The following PGR variants were observed in gnomAD, a reference collection of about 807,000 sequenced individuals.
PGR encodes nuclear receptor subfamily 3 group C member 3.
A neutral mutation model predicts 76.1 loss-of-function variants in PGR; 25 were observed. That is an observed-to-expected ratio of 0.33 (90% CI 0.24 to 0.46). The LOEUF (loss-of-function observed/expected upper bound fraction) is 0.46. Among genes scored for constraint, PGR ranks in the 20% least tolerant of loss-of-function variants. The pLI, the probability that PGR is intolerant of heterozygous loss-of-function variation, is 1.00. For synonymous variants in PGR, 579 were observed against 535.0 expected, an observed-to-expected ratio of 1.08 and a Z score of -1.14; for missense variants, 1,172 against 1,225.3, an observed-to-expected ratio of 0.96 and a Z score of 0.65.
intron 2 of PGR, among the ~76,000 whole-genome samples, chr11:101,095,964 C>A (rs1315776319): frequency 6.6e-6 from 1 of 152,044 alleles, no homozygotes; most frequent in Non-Finnish European, 1.5e-5. Flanking sequence ...GTAATCCAGT[C>A]AACAACAGAT....
rs1591358563 is a variant in PGR, at chr11:101,030,634, T to G, written c.*8482A>C. On this transcript the variant is annotated 3_prime_UTR_variant, in exon 8 of 8. Coordinates refer to ENST00000325455, the MANE Select transcript of PGR (RefSeq NM_000926.4). ...GCTCTGAGGAGAATTGGAATTGTTA[T>G]AGCGGAAATGTTCAAAGAAAGTCAA... The G allele has an allele frequency of 4.6e-6, 1 of 215,630 alleles. No homozygotes were observed. The highest frequency in any genetic ancestry group is 9.3e-6 in the Non-Finnish European group (1 of 106,964). 13.4% of individuals were successfully genotyped at this position (215,630 alleles called of 1,614,324 possible). A position where few individuals can be genotyped will look rare whatever the true frequency, so the allele number is the denominator to read the frequency against.
intron 3 of PGR, among the ~76,000 whole-genome samples, chr11:101,066,168 G>A (rs1377651921): frequency 3.3e-5 from 5 of 152,008 alleles, no homozygotes; most frequent in African/African-American, 1.2e-4. Flanking sequence ...ATTCTCCCTT[G>A]AACCTTCTCC....
At chr11:101,110,532 G>A (rs548983194) in intron 2 of PGR, among the ~76,000 whole-genome samples, 1 of 152,180 alleles carries the variant, frequency 6.6e-6, no homozygotes, top group African/African-American at 2.4e-5. Context: ...TTGAACACAT[G>A]AGGGGTCTTG....
At chr11:101,076,046 T>C (rs906463634) in intron 3 of PGR, among the ~76,000 whole-genome samples, 2 of 152,128 alleles carry the variant, frequency 1.3e-5, no homozygotes, top group African/African-American at 4.8e-5. Context: ...CTATTCACAA[T>C]AGTAAAGATT....
chr11:101,129,056 C>T lies in PGR; in HGVS notation c.15G>A (p.Lys5=), dbSNP rs1198190095. MTEL[K]AKGPRAPHVA... is the part of the protein sequence containing the mutation. ...CGTGGGGAGCCCGGGGACCCTTTGCCTTCAGCTCAGTCATGACGACTGGAC... is the reference window on the plus strand; with the variant it reads ...CGTGGGGAGCCCGGGGACCCTTTGCTTTCAGCTCAGTCATGACGACTGGAC... Residue 5 remains lysine, a synonymous_variant, in exon 1 of 8, where the codon AAG becomes AAA. Coordinates refer to ENST00000325455, the MANE Select transcript of PGR (RefSeq NM_000926.4). 9 of 1,553,832 alleles carry T rather than the reference C, an allele frequency of 5.8e-6. No homozygotes were observed. The South Asian group carries it at 9.5e-5, about 16-fold the overall frequency.
At chr11:101,118,114 C>T (rs1416926673) in intron 2 of PGR, among the ~76,000 whole-genome samples, 1 of 152,206 alleles carries the variant, frequency 6.6e-6, no homozygotes, top group East Asian at 1.9e-4. Context: ...AAATCAAAGA[C>T]TGTATCTTTT....
At chr11:101,095,382 A>G (rs1383137740) in intron 2 of PGR, among the ~76,000 whole-genome samples, 1 of 152,196 alleles carries the variant, frequency 6.6e-6, no homozygotes, top group African/African-American at 2.4e-5. Flanking sequence ...CTTACTATCC[A>G]CAAATAAAAA....
At chr11:101,049,877 TAATGAATTAAG>T in intron 6 of PGR, 41 bp downstream of exon 6, 1 of 1,507,824 alleles carries the variant, frequency 6.6e-7, no homozygotes, top group Non-Finnish European at 9.2e-7. Context: ...GCAACTTTTC[TAATGAATTAAG>T]AAACTAGATA....
chr11:101,129,370 A>G lies in PGR; in HGVS notation c.-300T>C, dbSNP rs1375037444. 2.6e-6 allele frequency: 1 copy of G among 381,006 alleles called. No individual in the cohort carries two copies. Among genetic ancestry groups the G allele is most frequent in the Non-Finnish European group, 4.7e-6 (1 of 211,458 alleles). 23.6% of individuals were successfully genotyped at this position (381,006 alleles called of 1,614,324 possible). ...GGAGATCTCGTCTCCTAACTCGGGG[A>G]GTTCTCCAAGAGAGTTCTCCAACTT... On this transcript the variant is annotated 5_prime_UTR_variant, in exon 1 of 8. Transcript: ENST00000325455.
In PGR at chr11:101,127,701, G is replaced by A. The variant is rs1022050429; in HGVS notation, c.1370C>T (p.Thr457Ile). Reference protein sequence around the residue: ...SVSSASSSGSTLECILYKAEG... With the variant: ...SVSSASSSGSILECILYKAEG... ...CGCTTTGTACAGGATGCACTCCAGGGTCGACCCCGAGGAGGACGCAGACGA... is the reference window on the plus strand; with the variant it reads ...CGCTTTGTACAGGATGCACTCCAGGATCGACCCCGAGGAGGACGCAGACGA... Residue 457 changes from threonine (T) to isoleucine (I), a missense_variant, in exon 1 of 8, where the codon ACC becomes ATC. Physicochemically the swap from Thr to Ile is moderately conservative, Grantham distance 89. Around this residue, in one of 4 missense-constraint regions of PGR, gnomAD observed 893 missense variants for 785.9 expected, o/e 1.14. Coordinates refer to ENST00000325455, the MANE Select transcript of PGR (RefSeq NM_000926.4). The A allele has an allele frequency of 1.0e-5, 16 of 1,583,274 alleles. No individual in the cohort carries two copies. Among genetic ancestry groups the A allele is most frequent in the Non-Finnish European group, 1.3e-5 (15 of 1,173,768 alleles).
Position 101,128,566 on chromosome 11 carries a change from C to G in PGR, c.505G>C (p.Gly169Arg). The G allele has an allele frequency of 6.3e-7, 1 of 1,598,142 alleles. No individual in the cohort carries two copies. The highest frequency in any genetic ancestry group is 1.1e-5 in the South Asian group (1 of 89,416). Residue 169 changes from glycine (G) to arginine (R), a missense_variant, in exon 1 of 8, where the codon GGG becomes CGG. Transcript: ENST00000325455. Reference protein sequence around the residue: ...RVLSPLMSRSGCKVGDSSGTA... With the variant: ...RVLSPLMSRSRCKVGDSSGTA... ...CCGGAGCTGTCTCCAACCTTGCACC[C>G]GGACCGGCTCATGAGCGGGGACAAC... is the stretch of plus-strand genomic sequence containing the variant.
At chr11:101,058,702 T>A (rs527543325) in intron 4 of PGR, among the ~76,000 whole-genome samples, 1 of 152,348 alleles carries the variant, frequency 6.6e-6, no homozygotes, top group African/African-American at 2.4e-5. Flanking sequence ...AACGTATTGA[T>A]GTACAGGATG....
chr11:101,064,368 A>C (rs1475947408), intron 3 of PGR, among the ~76,000 whole-genome samples: 20 of 138,278 alleles, frequency 1.4e-4, no homozygotes, highest in East Asian at 8.9e-4. Context: ...AAAAAAAAAA[A>C]AAACAGCCCC....
chr11:101,029,667 TTA>T lies in PGR; in HGVS notation c.*9447_*9448del, dbSNP rs1354196492. On this transcript the variant is annotated 3_prime_UTR_variant, in exon 8 of 8. Coordinates refer to ENST00000325455, the MANE Select transcript of PGR (RefSeq NM_000926.4). ...TTATTATCACACAGAATAACAAGAA[TTA>T]GAGTTAAATTCACAATATTTTTAAA... 2.5e-5 allele frequency: 5 copies of T among 197,808 alleles called. No homozygotes were observed. The highest frequency in any genetic ancestry group is 1.2e-4 in the African/African-American group (5 of 43,386). 12.3% of individuals were successfully genotyped at this position (197,808 alleles called of 1,614,324 possible).
chr11:101,128,125 A>G lies in PGR; in HGVS notation c.946T>C (p.Leu316=), dbSNP rs1862943177. 6.9e-6 allele frequency: 11 copies of G among 1,598,294 alleles called. 1 individual carries two copies. The South Asian group carries it at 7.7e-5, about 11-fold the overall frequency. ...AGCAGCTGCCGAGTGCGGGCTGCCA[A>G]TAAGGCGTGATTGAGAGGCAGGATA... ...VPILPLNHAL[L]AARTRQLLED... is the part of the protein sequence containing the mutation. The change falls in exon 1 of 8, where the codon TTG becomes CTG. Residue 316 remains leucine (L), a synonymous_variant. Coordinates refer to ENST00000325455, the MANE Select transcript of PGR (RefSeq NM_000926.4).
chr11:101,099,687 T>C (rs1239204847), intron 2 of PGR, among the ~76,000 whole-genome samples: 2 of 152,212 alleles, frequency 1.3e-5, no homozygotes, highest in African/African-American at 2.4e-5. Context: ...GAGAGGTGTC[T>C]ACTGCATTAC....
intron 3 of PGR, chr11:101,063,138 A>C (rs1860577374): frequency 6.0e-6 from 1 of 165,386 alleles, no homozygotes; most frequent in South Asian, 1.6e-4. Flanking sequence ...ACAGCCTTCC[A>C]AAATCTAATG....
chr11:101,063,869 C>A (rs1860602620), intron 3 of PGR: 1 of 152,094 alleles, frequency 6.6e-6, no homozygotes, highest in Admixed American at 6.5e-5. Context: ...CATGTGTATT[C>A]CAGTTTTTCC....
intron 6 of PGR, among the ~76,000 whole-genome samples, chr11:101,046,537 C>T (rs1374359975): frequency 6.6e-6 from 1 of 151,716 alleles, no homozygotes; most frequent in African/African-American, 2.4e-5. Context: ...TATTTAATGG[C>T]AAATGAGAGG....
Sources: gnomAD v4.1 joint callset for allele counts (sites outside exome capture counted in the v4.1 genomes callset) on GRCh38, gnomAD v4.1.1 for gene constraint, gnomAD v4.1.1 regional missense constraint, MANE v1.5 for transcripts, NCBI Gene and HGNC (gene_info 2026-07-23, HGNC 2026-07-21) for gene names.